TRAPPC13: variants seen among roughly 807,000 people sequenced by gnomAD.
The protein encoded by TRAPPC13 is trafficking protein particle complex subunit 13.
TRAPPC13 carries 39 observed loss-of-function variants against 54.0 expected under a neutral mutation model. The ratio of observed to expected loss-of-function variants is 0.72; its 90% CI spans 0.56 to 0.94. TRAPPC13 has a LOEUF of 0.94. Ranked by LOEUF, TRAPPC13 falls within the 40% of genes least tolerant of loss-of-function variation. The pLI, the probability that TRAPPC13 is intolerant of heterozygous loss-of-function variation, is 0.00. For synonymous variants in TRAPPC13, 148 were observed against 167.7 expected, an observed-to-expected ratio of 0.88 and a Z score of 0.91; for missense variants, 386 against 488.1, an observed-to-expected ratio of 0.79 and a Z score of 1.97.
intron 8 of TRAPPC13, 50 bp from the exon 9 acceptor site, chr5:65,658,318 A>G (rs765944642): frequency 6.6e-7 from 1 of 1,523,110 alleles, no homozygotes; most frequent in Admixed American, 2.3e-5. Context: ...GTTGAGATAA[A>G]TATTTTAAAT....
chr5:65,638,137 G>A (rs865955340), intron 4 of TRAPPC13, among the ~76,000 whole-genome samples: 4,857 of 134,880 alleles, frequency 0.036, 267 homozygotes, highest in African/African-American at 0.12. Context: ...AAAAAAAAAA[G>A]AAAAAAAGGT....
intron 1 of TRAPPC13, among the ~76,000 whole-genome samples, chr5:65,633,713 A>G (rs1301580410): frequency 6.6e-6 from 1 of 152,002 alleles, no homozygotes; most frequent in Non-Finnish European, 1.5e-5. Flanking sequence ...GTAACTGAAA[A>G]AGATTTTTAA....
chr5:65,628,237 T>C (rs1231557103), intron 1 of TRAPPC13, among the ~76,000 whole-genome samples: 2 of 152,180 alleles, frequency 1.3e-5, no homozygotes, highest in Non-Finnish European at 2.9e-5. Context: ...TCTAGACTTC[T>C]TGTTCTCTTC....
chr5:65,660,008 A>G lies in TRAPPC13; in HGVS notation c.699-691A>G, dbSNP rs78862015. Among the ~76,000 whole-genome samples the G allele has an allele frequency of 4.6e-3, 696 of 149,678 alleles. 1 individual carries two copies. The highest frequency in any genetic ancestry group is 0.015 in the African/African-American group (629 of 40,784). ...AAAAAAAAGAAGAAGAAGAAGAAGAAGGTAATAGCTTGGGATAGCATCTGA... is the reference window on the plus strand; with the variant it reads ...AAAAAAAAGAAGAAGAAGAAGAAGAGGGTAATAGCTTGGGATAGCATCTGA... On this transcript the variant is annotated intron_variant, in intron 9 of 12. Coordinates refer to ENST00000399438, the MANE Select transcript of TRAPPC13 (RefSeq NM_024941.4).
chr5:65,647,950 A>G (rs1756276424), intron 5 of TRAPPC13, among the ~76,000 whole-genome samples: 3 of 152,106 alleles, frequency 2.0e-5, no homozygotes, highest in Non-Finnish European at 4.4e-5. Context: ...TGGGCTTTGG[A>G]GTCAGACTTC....
chr5:65,660,852 T>C lies in TRAPPC13; in HGVS notation c.852T>C (p.Asn284=), dbSNP rs770918586. The C allele has an allele frequency of 1.9e-6, 3 of 1,612,996 alleles. No individual in the cohort carries two copies. Among genetic ancestry groups the C allele is most frequent in the East Asian group, 2.2e-5 (1 of 44,842 alleles). The change falls in exon 10 of 13, where the codon AAT becomes AAC. Residue 284 remains asparagine, a synonymous_variant. Coordinates refer to ENST00000399438, the MANE Select transcript of TRAPPC13 (RefSeq NM_024941.4). ...AATTGGATATAGTATGGAAAACAAA[T>C]CTAGGTGAAAGGGGAAGGTTACAGA... ...IGKLDIVWKT[N]LGERGRLQTS...
chr5:65,642,996 T>C (rs1756027550), intron 4 of TRAPPC13, among the ~76,000 whole-genome samples: 1 of 152,212 alleles, frequency 6.6e-6, no homozygotes, highest in African/African-American at 2.4e-5. Context: ...CACCGTATCT[T>C]ACATTAAGAC....
At chr5:65,652,608 C>A (rs767180435) in intron 7 of TRAPPC13, 63 bp downstream of exon 7, 2 of 1,163,764 alleles carry the variant, frequency 1.7e-6, no homozygotes, top group Middle Eastern at 3.9e-4. Context: ...GACTAAAAAT[C>A]TCTTATATAC....
In TRAPPC13 at chr5:65,664,338, C is replaced by A; in HGVS notation, c.1100C>A (p.Ser367Ter). ...RQLGKLHPSS[S>*]LCLALTLLSS... ...CTGGGAAAGCTGCATCCAAGTTCTT[C>A]GCTCTGTCTTGCCCTTACTCTGCTT... is the stretch of plus-strand genomic sequence containing the variant. Residue 367 changes from serine (S) to a stop codon, truncating the protein, a stop_gained, in exon 12 of 13, where the codon TCG (serine) becomes TAG (stop). Transcript: ENST00000399438. LOFTEE classifies it high-confidence loss of function. The A allele has an allele frequency of 1.2e-6, 2 of 1,613,962 alleles. No individual in the cohort carries two copies. The highest frequency in any genetic ancestry group is 1.1e-5 in the South Asian group (1 of 91,086).
intron 7 of TRAPPC13, among the ~76,000 whole-genome samples, chr5:65,654,933 A>G (rs1165875845): frequency 1.3e-5 from 2 of 152,186 alleles, no homozygotes; most frequent in East Asian, 1.9e-4. Flanking sequence ...TGCAACTATA[A>G]TGTAAGCCCC....
intron 5 of TRAPPC13, among the ~76,000 whole-genome samples, chr5:65,650,157 CT>C (rs34093188): frequency 0.013 from 979 of 77,996 alleles, 8 homozygotes; most frequent in South Asian, 0.018. Context: ...CACACCTGGC[CT>C]TTTTTTTTTT....
intron 1 of TRAPPC13, chr5:65,629,609 C>T: frequency 2.0e-6 from 3 of 1,533,634 alleles, no homozygotes; most frequent in Non-Finnish European, 1.7e-6. Context: ...AGTAATATTA[C>T]ATTATCGACC....
intron 6 of TRAPPC13, among the ~76,000 whole-genome samples, chr5:65,651,307 A>G (rs917343809): frequency 6.6e-6 from 1 of 152,082 alleles, no homozygotes; most frequent in Non-Finnish European, 1.5e-5. Flanking sequence ...GCTTGACCCC[A>G]GGCTTCAAGG....
At position 65,629,682 on chromosome 5, in the gene TRAPPC13, C is replaced by T. The variant is rs1463204848; in HGVS notation, c.46+4576C>T. The T allele has an allele frequency of 3.9e-6, 6 of 1,535,946 alleles. No homozygotes were observed. In the African/African-American group the frequency reaches 6.8e-5, roughly 18 times the overall value. The stretch of plus-strand genomic sequence containing the variant: ...GAAAAAGCAATTCAAGACTTTCCTA[C>T]TCGTCCGCTATCAAGATTTATACCT... On this transcript the variant is annotated intron_variant, in intron 1 of 12. Coordinates refer to ENST00000399438, the MANE Select transcript of TRAPPC13 (RefSeq NM_024941.4).
intron 1 of TRAPPC13, chr5:65,625,959 A>G (rs1039203267): frequency 1.3e-5 from 2 of 152,208 alleles, no homozygotes; most frequent in African/African-American, 2.4e-5. Flanking sequence ...TATCCTTCCC[A>G]TTATGATGTA....
intron 11 of TRAPPC13, 137 bp downstream of exon 11, chr5:65,662,287 G>A (rs948083784): frequency 1.9e-6 from 1 of 537,618 alleles, no homozygotes; most frequent in South Asian, 3.0e-5. Flanking sequence ...ATTGAGTACT[G>A]TAAAATTCTT....
Position 65,657,027 on chromosome 5 carries a change from A to T in TRAPPC13, c.565-1341A>T, listed in dbSNP as rs545818029. 6.2e-3 allele frequency among the ~76,000 whole-genome samples: 933 copies of T among 151,314 alleles called. 11 individuals carry two copies. Among genetic ancestry groups the T allele is most frequent in the African/African-American group, 0.021 (879 of 41,166 alleles). ...GGGAGGTGGAGGTTGCAGTGAGAGG[A>T]GATCTTGCCACTGCATTCTACTCTG... On this transcript the variant is annotated intron_variant, in intron 8 of 12. Transcript: ENST00000399438.
At chr5:65,660,940 G>C (rs1257400950) in intron 10 of TRAPPC13, 43 bp downstream of exon 10, 3 of 1,521,204 alleles carry the variant, frequency 2.0e-6, no homozygotes, top group South Asian at 2.5e-5. Flanking sequence ...GTGTGTGAAA[G>C]ACAGGTAGTT....
chr5:65,665,468 CTACAAACA>C lies in TRAPPC13; in HGVS notation c.*862_*869del, dbSNP rs1416146021. ...TTGTGTCTGTATTTGTATATTATAC[CTACAAACA>C]TACATATCTTTCAGCTACTGAACAC... On this transcript the variant is annotated 3_prime_UTR_variant, in exon 13 of 13. Transcript: ENST00000399438. The C allele has an allele frequency of 6.6e-6, 1 of 151,924 alleles. No homozygotes were observed. The highest frequency in any genetic ancestry group is 1.5e-5 in the Non-Finnish European group (1 of 67,978). 9.4% of individuals were successfully genotyped at this position (151,924 alleles called of 1,614,324 possible). A position where few individuals can be genotyped will look rare whatever the true frequency, so the allele number is the denominator to read the frequency against.
Sources: allele counts gnomAD v4.1 joint callset (sites outside exome capture counted in the v4.1 genomes callset), GRCh38; gene constraint gnomAD v4.1.1; transcripts MANE v1.5; gene names NCBI Gene and HGNC (gene_info 2026-07-23, HGNC 2026-07-21).